Variants in MYLK observed in about 807,000 individuals in gnomAD.
MYLK encodes myosin light chain kinase.
In MYLK, 106 loss-of-function variants were observed where a neutral mutation model predicts 203.4. The observed-to-expected ratio is 0.52, with a 90% confidence interval of 0.45 to 0.61. The LOEUF is 0.61. MYLK is among the 20% of genes least tolerant of loss of function. MYLK has a pLI of 0.00. For missense variants in MYLK, 2,072 were observed against 2,442.3 expected, an observed-to-expected ratio of 0.85 and a Z score of 3.20; for synonymous variants, 867 against 959.5, an observed-to-expected ratio of 0.90 and a Z score of 1.78.
chr3:123,735,701 G>A, intron 8 of MYLK: 1 of 414,822 alleles, frequency 2.4e-6, no homozygotes, highest in Non-Finnish European at 4.4e-6. Context: ...AACCAATCCA[G>A]GGACAAACAA....
intron 5 of MYLK, among the ~76,000 whole-genome samples, chr3:123,741,110 T>C (rs936277561): frequency 6.6e-6 from 1 of 152,230 alleles, no homozygotes; most frequent in Non-Finnish European, 1.5e-5. Flanking sequence ...AGAGTCATCC[T>C]CTGATATCAG....
At chr3:123,810,084 TC>T (rs1156649313) in intron 3 of MYLK, among the ~76,000 whole-genome samples, 1 of 152,146 alleles carries the variant, frequency 6.6e-6, no homozygotes, top group Non-Finnish European at 1.5e-5. Flanking sequence ...GGCCTAAGGC[TC>T]AGAACTCATT....
chr3:123,783,665 A>G (rs2064387594), intron 4 of MYLK, among the ~76,000 whole-genome samples: 1 of 151,864 alleles, frequency 6.6e-6, no homozygotes, highest in Non-Finnish European at 1.5e-5. Flanking sequence ...AAGAATGTGT[A>G]CAAAGTAAAA....
rs376626800 is a variant in MYLK, at chr3:123,638,023, C to G, written c.4961+48G>C. 1.2e-4 allele frequency: 196 copies of G among 1,612,604 alleles called. 3 individuals are homozygous for G. Among genetic ancestry groups the G allele is most frequent in the East Asian group, 1.1e-3 (48 of 44,866 alleles). ...CTGTGGAACCCTCAGCCCCCACCCA[C>G]TGGTCCACCAAGTGGTCCACCAGTC... On this transcript the variant is annotated intron_variant, in intron 29 of 33. Coordinates refer to ENST00000360304, the MANE Select transcript of MYLK (RefSeq NM_053025.4).
At chr3:123,706,495 C>G (rs1347263494) in intron 16 of MYLK, among the ~76,000 whole-genome samples, 1 of 152,162 alleles carries the variant, frequency 6.6e-6, no homozygotes, top group Non-Finnish European at 1.5e-5. Context: ...TAACCATCCT[C>G]AGGATGTGGC....
At position 123,613,172 on chromosome 3, in the gene MYLK, A is replaced by C. The variant is rs2057292385; in HGVS notation, c.*933T>G. On this transcript the variant is annotated 3_prime_UTR_variant, in exon 34 of 34. Coordinates refer to ENST00000360304, the MANE Select transcript of MYLK (RefSeq NM_053025.4). ...ACATGGAGTTCTCCAGCTCTTTATC[A>C]GTTGAAATCTGTTTCATCGTGGCCA... 3 of 152,264 alleles carry C rather than the reference A, an allele frequency of 2.0e-5. No homozygotes were observed. In the South Asian group the frequency reaches 6.2e-4, roughly 31 times the overall value. 9.4% of individuals were successfully genotyped at this position (152,264 alleles called of 1,614,324 possible).
intron 3 of MYLK, among the ~76,000 whole-genome samples, chr3:123,804,171 C>A (rs1169390683): frequency 1.3e-5 from 2 of 152,180 alleles, no homozygotes; most frequent in African/African-American, 4.8e-5. Context: ...TCACTTCATT[C>A]TTCCTCTCCC....
intron 20 of MYLK, among the ~76,000 whole-genome samples, chr3:123,678,642 AACACACACACAAACAC>A (rs1192189686): frequency 6.6e-6 from 1 of 151,840 alleles, no homozygotes; most frequent in African/African-American, 2.4e-5. Context: ...GACACAGAGG[AACACACACACAAACAC>A]ACACACACAC....
rs529339814 is a variant in MYLK, at chr3:123,711,841, C to T, written c.1805-1948G>A. Among the ~76,000 whole-genome samples the T allele has an allele frequency of 3.3e-5, 5 of 152,262 alleles. No homozygotes were observed. In the South Asian group the frequency reaches 1.0e-3, roughly 32 times the overall value. On this transcript the variant is annotated intron_variant, in intron 13 of 33. Transcript: ENST00000360304. ...CTAGACCTTCTTCAGGAAGTGGAGC[C>T]ATGGGGAGGTTTCCAGGGTATGTAA...
chr3:123,610,948 T>C lies in MYLK; in HGVS notation c.*3157A>G, dbSNP rs577916375. ...GATATGCAATGCAAGGAACAATCAA[T>C]GGATTATTTTTTATATGTTTGGGAT... is the stretch of plus-strand genomic sequence containing the variant. On this transcript the variant is annotated 3_prime_UTR_variant, in exon 34 of 34. Coordinates refer to ENST00000360304, the MANE Select transcript of MYLK (RefSeq NM_053025.4). 4 of 152,356 alleles carry C rather than the reference T, an allele frequency of 2.6e-5. No homozygotes were observed. Among genetic ancestry groups the C allele is most frequent in the African/African-American group, 9.6e-5 (4 of 41,586 alleles). The allele number at this position is 152,356 out of a possible 1,614,324, so 9.4% of individuals were successfully genotyped here.
At chr3:123,804,640 C>T (rs894954043) in intron 3 of MYLK, among the ~76,000 whole-genome samples, 1 of 152,106 alleles carries the variant, frequency 6.6e-6, no homozygotes, top group Non-Finnish European at 1.5e-5. Flanking sequence ...TGGGGATGAT[C>T]TTAAGGGACA....
chr3:123,799,670 C>T (rs565000807), intron 3 of MYLK, among the ~76,000 whole-genome samples: 23 of 152,296 alleles, frequency 1.5e-4, no homozygotes, highest in African/African-American at 5.1e-4. Flanking sequence ...ACTGACAGCT[C>T]CCTCTCCCAC....
At position 123,733,103 on chromosome 3, in the gene MYLK, C is replaced by T. The variant is rs1453215880; in HGVS notation, c.1310-1G>A. On this transcript the variant is annotated splice_acceptor_variant, in intron 10 of 33. Transcript: ENST00000360304. LOFTEE classifies it high-confidence loss of function. The stretch of plus-strand genomic sequence containing the variant: ...ACTTCAGGCTTTGGAATCCCGGAAA[C>T]TACAGGGCCAGGTAAAGAACGTGAG... The T allele has an allele frequency of 6.2e-7, 1 of 1,613,572 alleles. No individual in the cohort carries two copies. Among genetic ancestry groups the T allele is most frequent in the Non-Finnish European group, 8.5e-7 (1 of 1,179,846 alleles).
intron 16 of MYLK, 68 bp downstream of exon 16, chr3:123,707,686 C>T: frequency 5.0e-6 from 8 of 1,612,104 alleles, no homozygotes; most frequent in Non-Finnish European, 6.8e-6. Flanking sequence ...GCTGCCCAGA[C>T]CCAGGTTAGG....
At position 123,611,037 on chromosome 3, in the gene MYLK, T is replaced by G. The variant is rs1446075482; in HGVS notation, c.*3068A>C. 1 of 152,228 alleles carries G rather than the reference T, an allele frequency of 6.6e-6. No individual in the cohort carries two copies. Among genetic ancestry groups the G allele is most frequent in the Non-Finnish European group, 1.5e-5 (1 of 68,028 alleles). The allele number at this position is 152,228 out of a possible 1,614,324, so 9.4% of individuals were successfully genotyped here. ...AGTGCAGCATATAAATTGTACATTT[T>G]TCACTAGCAAGGAATAAAAAGTCAT... On this transcript the variant is annotated 3_prime_UTR_variant, in exon 34 of 34. Transcript: ENST00000360304.
At position 123,659,421 on chromosome 3, in the gene MYLK, C is replaced by T. The variant is rs558529650; in HGVS notation, c.3986-1993G>A. Among the ~76,000 whole-genome samples the T allele has an allele frequency of 2.0e-5, 3 of 152,314 alleles. No homozygotes were observed. In the South Asian group the frequency reaches 6.2e-4, roughly 32 times the overall value. ...GCTGAAAATGAGAACCTATACATGA[C>T]ATATGTGATACGTAAGACTTGTCAC... On this transcript the variant is annotated intron_variant, in intron 23 of 33. Transcript: ENST00000360304.
chr3:123,655,656 C>T (rs1227786165), intron 24 of MYLK, among the ~76,000 whole-genome samples: 1 of 152,184 alleles, frequency 6.6e-6, no homozygotes, highest in Non-Finnish European at 1.5e-5. Context: ...CTCAGTCTAA[C>T]CAAAGGAGCA....
chr3:123,801,572 C>T (rs1309437553), intron 3 of MYLK, among the ~76,000 whole-genome samples: 1 of 152,088 alleles, frequency 6.6e-6, no homozygotes, highest in African/African-American at 2.4e-5. Flanking sequence ...GCCCTTGCTC[C>T]CCTCCCTTTT....
chr3:123,746,014 C>T (rs1330832372), intron 5 of MYLK, among the ~76,000 whole-genome samples: 1 of 152,004 alleles, frequency 6.6e-6, no homozygotes, highest in Non-Finnish European at 1.5e-5. Context: ...CCCACCACCA[C>T]ATATGGCTAA....
Sources: allele counts gnomAD v4.1 joint callset (sites outside exome capture counted in the v4.1 genomes callset), GRCh38; gene constraint gnomAD v4.1.1; transcripts MANE v1.5; gene names NCBI Gene and HGNC (gene_info 2026-07-23, HGNC 2026-07-21).